Variants in GABRB1 observed in about 807,000 individuals in gnomAD.
GABRB1 encodes gamma-aminobutyric acid type A receptor subunit beta1.
A neutral mutation model predicts 51.6 loss-of-function variants in GABRB1; 17 were observed. That is an observed-to-expected ratio of 0.33 (90% CI 0.23 to 0.49). The LOEUF (loss-of-function observed/expected upper bound fraction) is 0.49. Ranked by LOEUF, GABRB1 falls within the 20% of genes least tolerant of loss-of-function variation. The pLI, the probability that GABRB1 is intolerant of heterozygous loss-of-function variation, is 0.99. For synonymous variants in GABRB1, 247 were observed against 218.9 expected, an observed-to-expected ratio of 1.13 and a Z score of -1.14; for missense variants, 410 against 600.6, an observed-to-expected ratio of 0.68 and a Z score of 3.32.
chr4:47,260,894 T>C (rs1228912906), intron 4 of GABRB1, among the ~76,000 whole-genome samples: 1 of 152,156 alleles, frequency 6.6e-6, no homozygotes, highest in Non-Finnish European at 1.5e-5. Context: ...ACTGGTTCAA[T>C]ATATGCAAAT....
chr4:47,349,909 C>A (rs1207349279), intron 5 of GABRB1, among the ~76,000 whole-genome samples: 2 of 152,042 alleles, frequency 1.3e-5, no homozygotes, highest in Admixed American at 6.6e-5. Flanking sequence ...TCAGAATATA[C>A]ACACACTTTA....
At chr4:47,166,918 G>A (rs1718216027) in intron 4 of GABRB1, among the ~76,000 whole-genome samples, 1 of 152,004 alleles carries the variant, frequency 6.6e-6, no homozygotes, top group African/African-American at 2.4e-5. Flanking sequence ...CTAACCAGAT[G>A]AAAACTCTCT....
intron 3 of GABRB1, among the ~76,000 whole-genome samples, chr4:47,104,530 CTT>C (rs1192541174): frequency 7.2e-6 from 1 of 138,202 alleles, no homozygotes; most frequent in Non-Finnish European, 1.6e-5. Flanking sequence ...CTCTCTCTCT[CTT>C]TTCTTTTATC....
intron 3 of GABRB1, among the ~76,000 whole-genome samples, chr4:47,048,561 A>G (rs531812870): frequency 2.0e-5 from 3 of 152,302 alleles, no homozygotes; most frequent in African/African-American, 7.2e-5. Flanking sequence ...TTGTATTTAG[A>G]CCAGGAAAAA....
intron 4 of GABRB1, among the ~76,000 whole-genome samples, chr4:47,294,152 C>A (rs1031802159): frequency 6.6e-6 from 1 of 152,138 alleles, no homozygotes; most frequent in Non-Finnish European, 1.5e-5. Flanking sequence ...GGAACAGCTC[C>A]GTTCTACAGC....
chr4:46,997,472 G>A (rs62303735), intron 1 of GABRB1, among the ~76,000 whole-genome samples: 13,512 of 150,808 alleles, frequency 0.09, 971 homozygotes, highest in Admixed American at 0.19. Flanking sequence ...CTATAACTTC[G>A]TACGCTTCAA....
intron 4 of GABRB1, among the ~76,000 whole-genome samples, chr4:47,245,932 A>G (rs1182158726): frequency 6.9e-6 from 1 of 144,714 alleles, no homozygotes; most frequent in African/African-American, 2.6e-5. Flanking sequence ...CTTGTTTTCC[A>G]TAACTTATTG....
chr4:47,010,641 A>G (rs959828885), intron 1 of GABRB1, among the ~76,000 whole-genome samples: 2 of 152,154 alleles, frequency 1.3e-5, no homozygotes, highest in African/African-American at 2.4e-5. Context: ...TGCCATCACC[A>G]TATATTCTTA....
At chr4:47,300,471 A>T (rs965907349) in intron 4 of GABRB1, among the ~76,000 whole-genome samples, 1 of 152,122 alleles carries the variant, frequency 6.6e-6, no homozygotes, top group Non-Finnish European at 1.5e-5. Context: ...TATATTTTTC[A>T]TAATCTTAAA....
intron 4 of GABRB1, among the ~76,000 whole-genome samples, chr4:47,309,938 G>A (rs1400888502): frequency 6.6e-6 from 1 of 152,044 alleles, no homozygotes; most frequent in African/African-American, 2.4e-5. Context: ...ACTGTTAATT[G>A]AGTGCCTACT....
At chr4:47,277,088 T>C (rs1723110632) in intron 4 of GABRB1, among the ~76,000 whole-genome samples, 1 of 152,134 alleles carries the variant, frequency 6.6e-6, no homozygotes, top group Non-Finnish European at 1.5e-5. Flanking sequence ...TTTCCATAAT[T>C]AATGTAGGCA....
At chr4:47,168,939 C>T (rs2109750842) in intron 4 of GABRB1, among the ~76,000 whole-genome samples, 1 of 152,216 alleles carries the variant, frequency 6.6e-6, no homozygotes, top group South Asian at 2.1e-4. Flanking sequence ...AATCTTCCCT[C>T]TATGTGTATT....
At chr4:47,064,165 T>G (rs895196864) in intron 3 of GABRB1, among the ~76,000 whole-genome samples, 1 of 152,172 alleles carries the variant, frequency 6.6e-6, no homozygotes, top group African/African-American at 2.4e-5. Flanking sequence ...AGCTTGAGCT[T>G]CTTTAGTTTC....
At chr4:47,252,714 G>A (rs1722042918) in intron 4 of GABRB1, among the ~76,000 whole-genome samples, 1 of 151,700 alleles carries the variant, frequency 6.6e-6, no homozygotes, top group South Asian at 2.1e-4. Context: ...CACCATATTG[G>A]CCAGGCTGGT....
intron 3 of GABRB1, among the ~76,000 whole-genome samples, chr4:47,106,333 G>C (rs10025590): frequency 0.32 from 48,762 of 151,708 alleles, 8,174 homozygotes; most frequent in Middle Eastern, 0.45. Context: ...CTAGAAGCAG[G>C]GTAGGAATTT....
chr4:47,047,881 A>G (rs1227524352), intron 3 of GABRB1, among the ~76,000 whole-genome samples: 4 of 152,164 alleles, frequency 2.6e-5, no homozygotes, highest in African/African-American at 9.6e-5. Context: ...TGAAGTTTAA[A>G]TTGGACATAA....
chr4:47,384,416 TAAA>T (rs59005369), intron 5 of GABRB1, among the ~76,000 whole-genome samples: 1 of 122,378 alleles, frequency 8.2e-6, no homozygotes, highest in Non-Finnish European at 1.8e-5. Context: ...CACACCAAAA[TAAA>T]AAAAAAAAAA....
At chr4:47,242,733 GTTTGATT>G (rs1560293655) in intron 4 of GABRB1, among the ~76,000 whole-genome samples, 1 of 152,084 alleles carries the variant, frequency 6.6e-6, no homozygotes, top group African/African-American at 2.4e-5. Flanking sequence ...TGATGGGGTT[GTTTGATT>G]TTTTCTTGTA....
At chr4:47,169,489 T>C (rs1394465900) in intron 4 of GABRB1, among the ~76,000 whole-genome samples, 1 of 150,920 alleles carries the variant, frequency 6.6e-6, no homozygotes, top group African/African-American at 2.5e-5. Flanking sequence ...AAAGCCACCA[T>C]AAATGTGGAA....
Sources: allele counts gnomAD v4.1 joint callset (sites outside exome capture counted in the v4.1 genomes callset), GRCh38; gene constraint gnomAD v4.1.1; transcripts MANE v1.5; gene names NCBI Gene and HGNC (gene_info 2026-07-23, HGNC 2026-07-21).